The following C18orf54 variants were observed in gnomAD, a reference collection of about 807,000 sequenced individuals.
The protein encoded by C18orf54 is chromosome 18 open reading frame 54, also known as lung adenoma susceptibility protein 2.
A neutral mutation model predicts 49.3 loss-of-function variants in C18orf54; 49 were observed. The ratio of observed to expected loss-of-function variants is 0.99; its 90% CI spans 0.79 to 1.26. C18orf54 has a LOEUF of 1.26. Among genes scored for constraint, C18orf54 ranks in the 50% most tolerant of loss-of-function variants. The pLI is 0.00. For missense variants in C18orf54, 687 were observed against 620.6 expected, an observed-to-expected ratio of 1.11 and a Z score of -1.14; for synonymous variants, 211 against 216.6, an observed-to-expected ratio of 0.97 and a Z score of 0.23.
At position 54,362,890 on chromosome 18, in the gene C18orf54, G is replaced by C; in HGVS notation, c.1192G>C (p.Asp398His). The C allele has an allele frequency of 6.2e-7, 1 of 1,606,334 alleles. No homozygotes were observed. Among genetic ancestry groups the C allele is most frequent in the Non-Finnish European group, 8.5e-7 (1 of 1,178,446 alleles). Reference protein sequence around the residue: ...SPCSLDKLEADRSWENIPVTF... With the variant: ...SPCSLDKLEAHRSWENIPVTF... ...TTGCTCATTAGATAAACTTGAAGCA[G>C]ACAGATCATGGGAAAATATTCCTGT... Residue 398 changes from aspartate to histidine, a missense_variant, in exon 5 of 9, where the codon GAC becomes CAC. Transcript: ENST00000620105.
At chr18:54,360,391 C>A in intron 2 of C18orf54, 136 bp from the exon 3 acceptor site, 2 of 547,888 alleles carry the variant, frequency 3.7e-6, no homozygotes, top group Non-Finnish European at 6.2e-6. Flanking sequence ...ATCTACAATT[C>A]CTAACAAGGA....
chr18:54,374,987 C>T (rs2089546080), intron 8 of C18orf54, among the ~76,000 whole-genome samples: 1 of 151,900 alleles, frequency 6.6e-6, no homozygotes, highest in Non-Finnish European at 1.5e-5. Context: ...AAACACTAGA[C>T]ATGTAAACTT....
intron 5 of C18orf54, among the ~76,000 whole-genome samples, chr18:54,365,313 A>ACTGC: frequency 6.6e-6 from 1 of 152,010 alleles, no homozygotes; most frequent in East Asian, 1.9e-4. Context: ...AGAACATTTA[A>ACTGC]CTGCCATTCT....
chr18:54,366,520 C>T (rs1312025588), intron 6 of C18orf54, among the ~76,000 whole-genome samples: 2 of 151,948 alleles, frequency 1.3e-5, no homozygotes, highest in Non-Finnish European at 2.9e-5. Context: ...ATTTTCTTTA[C>T]CCTTCTATCT....
intron 7 of C18orf54, among the ~76,000 whole-genome samples, chr18:54,373,050 T>C (rs1403769010): frequency 6.6e-6 from 1 of 151,906 alleles, no homozygotes; most frequent in Non-Finnish European, 1.5e-5. Flanking sequence ...TACAGTTATA[T>C]CAAGTTTTAT....
intron 6 of C18orf54, among the ~76,000 whole-genome samples, chr18:54,371,974 C>T (rs1309622762): frequency 6.6e-6 from 1 of 151,942 alleles, no homozygotes; most frequent in Non-Finnish European, 1.5e-5. Flanking sequence ...CAGGGGTAAT[C>T]GAGCTATGAG....
In C18orf54 at chr18:54,362,346, TAATG is replaced by T; in HGVS notation, c.991_994del (p.Glu331ThrfsTer35). ...CCTTGAGTGATGATAAAGAATTAGT[TAATG>T]AATACAAATGTGATTTTGAACATAG... On this transcript the variant is annotated frameshift_variant, in exon 4 of 9. Coordinates refer to ENST00000620105, the MANE Select transcript of C18orf54 (RefSeq NM_001288980.2). LOFTEE classifies it high-confidence loss of function. 1 of 1,535,962 alleles carries T rather than the reference TAATG, an allele frequency of 6.5e-7. No homozygotes were observed. Among genetic ancestry groups the T allele is most frequent in the Non-Finnish European group, 8.7e-7 (1 of 1,146,768 alleles).
intron 6 of C18orf54, among the ~76,000 whole-genome samples, chr18:54,368,345 G>A (rs2089425081): frequency 6.6e-6 from 1 of 151,996 alleles, no homozygotes; most frequent in Non-Finnish European, 1.5e-5. Context: ...TCTTAGAACA[G>A]CTATTTTGAA....
intron 5 of C18orf54, among the ~76,000 whole-genome samples, chr18:54,364,366 G>A (rs1020950560): frequency 1.3e-5 from 2 of 152,056 alleles, no homozygotes; most frequent in Non-Finnish European, 2.9e-5. Flanking sequence ...ATTTGATAAT[G>A]TAACTTCTAG....
chr18:54,365,796 A>G lies in C18orf54; in HGVS notation c.1301A>G (p.Glu434Gly). ...GCAAAGAGTGCTAAAGGGGTTCTTG[A>G]AGACTTTCTAAATAATGATAATCAG... Reference protein sequence around the residue: ...SRAKSAKGVLEDFLNNDNQSC... With the variant: ...SRAKSAKGVLGDFLNNDNQSC... Residue 434 changes from glutamate (E) to glycine (G), a missense_variant, in exon 6 of 9, where the codon GAA becomes GGA. Coordinates refer to ENST00000620105, the MANE Select transcript of C18orf54 (RefSeq NM_001288980.2). 1 of 1,581,852 alleles carries G rather than the reference A, an allele frequency of 6.3e-7. No homozygotes were observed. Among genetic ancestry groups the G allele is most frequent in the Non-Finnish European group, 8.6e-7 (1 of 1,158,626 alleles).
chr18:54,360,501 C>G (rs2089243275), intron 2 of C18orf54, 26 bp from the exon 3 acceptor site: 13 of 1,493,218 alleles, frequency 8.7e-6, no homozygotes, highest in African/African-American at 1.4e-5. Context: ...TAATTGGCAT[C>G]TTAACATTTC....
Position 54,362,187 on chromosome 18 carries a change from T to A in C18orf54, c.828T>A (p.Ser276Arg), listed in dbSNP as rs960363441. Residue 276 changes from serine to arginine, a missense_variant, in exon 4 of 9, where the codon AGT (serine) becomes AGA (arginine). Physicochemically the swap from Ser to Arg is moderately radical, Grantham distance 110. Coordinates refer to ENST00000620105, the MANE Select transcript of C18orf54 (RefSeq NM_001288980.2). Reference protein sequence around the residue: ...HNQDLLPDANSQRVYQIFKDD... With the variant: ...HNQDLLPDANRQRVYQIFKDD... ...AAGACTTGCTACCTGATGCAAATAG[T>A]CAAAGGGTTTATCAGATATTTAAAG... The A allele has an allele frequency of 1.2e-5, 18 of 1,536,052 alleles. No individual in the cohort carries two copies. Among genetic ancestry groups the A allele is most frequent in the Middle Eastern group, 1.7e-4 (1 of 6,014 alleles).
chr18:54,372,702 C>A, intron 7 of C18orf54, 105 bp downstream of exon 7: 3 of 1,031,638 alleles, frequency 2.9e-6, no homozygotes, highest in South Asian at 4.2e-5. Context: ...AGTAAGCATG[C>A]CACATTACAC....
chr18:54,374,257 T>C lies in C18orf54; in HGVS notation c.1502T>C (p.Met501Thr), dbSNP rs371614788. The C allele has an allele frequency of 2.5e-6, 4 of 1,585,250 alleles. No individual in the cohort carries two copies. The highest frequency in any genetic ancestry group is 3.5e-5 in the Admixed American group (2 of 56,904). The change falls in exon 8 of 9, where the codon ATG (methionine) becomes ACG (threonine). Residue 501 changes from methionine to threonine, a missense_variant. Transcript: ENST00000620105. ...DFSKLQLKES[M>T]IPITRSLQKA... The stretch of plus-strand genomic sequence containing the variant: ...TCTAAATTACAGTTGAAGGAAAGTA[T>C]GATTCCTATTACTAGGTCACTTCAG...
At chr18:54,370,150 G>A (rs542789815) in intron 6 of C18orf54, among the ~76,000 whole-genome samples, 7 of 152,096 alleles carry the variant, frequency 4.6e-5, no homozygotes, top group South Asian at 2.1e-4. Flanking sequence ...GGTGGCGGGC[G>A]CCTTTAGTCC....
At chr18:54,376,552 T>G (rs1373291002) in intron 8 of C18orf54, among the ~76,000 whole-genome samples, 3 of 152,220 alleles carry the variant, frequency 2.0e-5, no homozygotes, top group African/African-American at 7.2e-5. Context: ...CAGGCTGGTC[T>G]TGAACTCCTG....
At position 54,362,025 on chromosome 18, in the gene C18orf54, A is replaced by C. The variant is rs115636276; in HGVS notation, c.666A>C (p.Lys222Asn). The C allele has an allele frequency of 2.6e-4, 407 of 1,594,358 alleles. 1 individual carries two copies. In the African/African-American group the frequency reaches 5.0e-3, roughly 20 times the overall value. The change falls in exon 4 of 9, where the codon AAA (lysine) becomes AAC (asparagine). Residue 222 changes from lysine (K) to asparagine (N), a missense_variant. Transcript: ENST00000620105. ...ISESSLSFPK[K>N]SSFKDSSEHS... ...AATCATCTTTGTCTTTTCCCAAGAA[A>C]TCGTCTTTCAAGGACAGTTCAGAAC...
At chr18:54,359,091 A>G (rs2089208239) in intron 2 of C18orf54, among the ~76,000 whole-genome samples, 2 of 152,184 alleles carry the variant, frequency 1.3e-5, no homozygotes, top group South Asian at 4.1e-4. Context: ...TGAAACTTAA[A>G]TTGTGCATTT....
intron 8 of C18orf54, among the ~76,000 whole-genome samples, chr18:54,376,773 T>C (rs957219995): frequency 3.3e-5 from 5 of 152,256 alleles, no homozygotes; most frequent in Admixed American, 2.0e-4. Context: ...AGTCTTCTTA[T>C]TACATTTGAG....
Sources: allele counts gnomAD v4.1 joint callset (sites outside exome capture counted in the v4.1 genomes callset), GRCh38; gene constraint gnomAD v4.1.1; transcripts MANE v1.5; gene names NCBI Gene and HGNC (gene_info 2026-07-23, HGNC 2026-07-21).